The following THADA variants were observed in gnomAD, a reference collection of about 807,000 sequenced individuals.
THADA encodes THADA armadillo repeat containing, also known as tRNA (32-2'-O)-methyltransferase regulator THADA.
Under a neutral mutation model 219.8 loss-of-function variants are expected in THADA, and 213 were observed. The observed-to-expected ratio is 0.97, with a 90% CI of 0.87 to 1.09. THADA has a LOEUF of 1.09. THADA is among the 50% of genes least tolerant of loss of function. The pLI, the probability that THADA is intolerant of heterozygous loss-of-function variation, is 0.00. For missense variants in THADA, 2,956 were observed against 2,311.3 expected (o/e 1.28, Z -5.72); for synonymous variants, 1,018 against 828.9 (o/e 1.23, Z -3.92).
intron 30 of THADA, among the ~76,000 whole-genome samples, chr2:43,342,462 G>T (rs912105055): frequency 1.3e-5 from 2 of 152,158 alleles, no homozygotes; most frequent in African/African-American, 2.4e-5. Flanking sequence ...TCTGCCACTT[G>T]TGCCTTACAC....
intron 21 of THADA, among the ~76,000 whole-genome samples, chr2:43,531,609 T>C (rs1693886327): frequency 1.3e-5 from 2 of 152,158 alleles, no homozygotes; most frequent in Admixed American, 1.3e-4. Flanking sequence ...CAGACTTAAC[T>C]CAAACCACTT....
chr2:43,346,218 T>C (rs1667610649), intron 29 of THADA, among the ~76,000 whole-genome samples: 1 of 152,138 alleles, frequency 6.6e-6, no homozygotes, highest in East Asian at 1.9e-4. Context: ...TTATAAGCAA[T>C]TGTATGAAAC....
intron 18 of THADA, 74 bp from the exon 19 acceptor site, chr2:43,551,999 G>T: frequency 6.4e-7 from 1 of 1,573,482 alleles, no homozygotes; most frequent in South Asian, 1.2e-5. Context: ...TAGATAAAAG[G>T]ATTGACTTTG....
intron 36 of THADA, among the ~76,000 whole-genome samples, chr2:43,239,021 T>A (rs1404473456): frequency 6.6e-6 from 1 of 152,120 alleles, no homozygotes; most frequent in Non-Finnish European, 1.5e-5. Flanking sequence ...GTGCTTCAAA[T>A]GGGTGGGGTT....
At chr2:43,443,460 C>T (rs1234264805) in intron 26 of THADA, among the ~76,000 whole-genome samples, 1 of 152,130 alleles carries the variant, frequency 6.6e-6, no homozygotes, top group East Asian at 1.9e-4. Flanking sequence ...AATTCTAGTT[C>T]ACCGAAACAA....
At chr2:43,581,502 C>G (rs1045632304) in intron 8 of THADA, among the ~76,000 whole-genome samples, 1 of 149,832 alleles carries the variant, frequency 6.7e-6, no homozygotes, top group Non-Finnish European at 1.5e-5. Flanking sequence ...AAACATCACG[C>G]CACTACACTC....
intron 22 of THADA, among the ~76,000 whole-genome samples, chr2:43,516,609 G>C (rs532712794): frequency 6.6e-6 from 1 of 152,104 alleles, no homozygotes; most frequent in Non-Finnish European, 1.5e-5. Context: ...GTAAAATAAG[G>C]GGGTAGAAGA....
chr2:43,578,999 T>C (rs1001808936), intron 8 of THADA, among the ~76,000 whole-genome samples: 3 of 152,184 alleles, frequency 2.0e-5, no homozygotes, highest in Non-Finnish European at 4.4e-5. Context: ...ACCCAGCTAA[T>C]TTTTGTATCT....
chr2:43,372,175 A>G (rs1670884299), intron 29 of THADA: 1 of 152,226 alleles, frequency 6.6e-6, no homozygotes. Context: ...GCATACAACA[A>G]ACTAACTGGG....
At chr2:43,416,019 T>C (rs1165745535) in intron 28 of THADA, among the ~76,000 whole-genome samples, 2 of 152,196 alleles carry the variant, frequency 1.3e-5, no homozygotes, top group Admixed American at 1.3e-4. Context: ...ACCCTGAAGC[T>C]TAACTAGAAA....
At chr2:43,439,027 G>C (rs781185051) in intron 26 of THADA, among the ~76,000 whole-genome samples, 1 of 152,180 alleles carries the variant, frequency 6.6e-6, no homozygotes, top group Non-Finnish European at 1.5e-5. Flanking sequence ...TGAAGTGAAT[G>C]ACGTAGCATT....
At chr2:43,580,274 C>CAG (rs999710210) in intron 8 of THADA, among the ~76,000 whole-genome samples, 8 of 151,936 alleles carry the variant, frequency 5.3e-5, no homozygotes, top group Non-Finnish European at 8.8e-5. Flanking sequence ...CTCCTGACCT[C>CAG]GTGATCTGCC....
chr2:43,371,270 C>A (rs769356181), intron 29 of THADA, among the ~76,000 whole-genome samples: 26 of 152,022 alleles, frequency 1.7e-4, no homozygotes, highest in Non-Finnish European at 3.4e-4. Context: ...AAACTCTGAC[C>A]ACCACTCCTA....
intron 22 of THADA, among the ~76,000 whole-genome samples, chr2:43,510,952 C>T (rs1484886833): frequency 6.7e-6 from 1 of 148,900 alleles, no homozygotes; most frequent in Non-Finnish European, 1.5e-5. Context: ...GCCTGGGTGA[C>T]ACAGCAAGAC....
At chr2:43,554,913 T>C (rs1697164848) in intron 17 of THADA, among the ~76,000 whole-genome samples, 2 of 152,194 alleles carry the variant, frequency 1.3e-5, no homozygotes, top group Admixed American at 1.3e-4. Context: ...ATCTGCATCA[T>C]ACTTTGAACA....
chr2:43,496,643 C>T (rs1049217329), intron 25 of THADA, among the ~76,000 whole-genome samples: 1 of 151,738 alleles, frequency 6.6e-6, no homozygotes, highest in African/African-American at 2.4e-5. Flanking sequence ...ACTTCACACC[C>T]ATTAAGATGG....
At chr2:43,270,725 T>A (rs1451144362) in intron 36 of THADA, among the ~76,000 whole-genome samples, 1 of 152,124 alleles carries the variant, frequency 6.6e-6, no homozygotes, top group African/African-American at 2.4e-5. Flanking sequence ...TAGGTCCCTA[T>A]AATCCCAGCT....
At chr2:43,543,113 G>C (rs1268953219) in intron 20 of THADA, among the ~76,000 whole-genome samples, 7 of 149,012 alleles carry the variant, frequency 4.7e-5, no homozygotes, top group African/African-American at 1.7e-4. Flanking sequence ...CTATGAGTGA[G>C]AATATGTGGT....
intron 28 of THADA, among the ~76,000 whole-genome samples, chr2:43,399,993 G>A (rs534792265): frequency 9.2e-5 from 14 of 152,222 alleles, no homozygotes; most frequent in African/African-American, 3.1e-4. Flanking sequence ...GTCTGTCCCC[G>A]ACCTCTCCAA....
Sources: allele counts gnomAD v4.1 joint callset (sites outside exome capture counted in the v4.1 genomes callset), GRCh38; gene constraint gnomAD v4.1.1; transcripts MANE v1.5; gene names NCBI Gene and HGNC (gene_info 2026-07-23, HGNC 2026-07-21).